Variants in CNTN6 observed in about 807,000 individuals in gnomAD.
CNTN6 encodes the protein contactin 6, also known as contactin-6.
Under a neutral mutation model 122.8 loss-of-function variants are expected in CNTN6, and 137 were observed. The ratio of observed to expected loss-of-function variants is 1.12; its 90% CI spans 0.97 to 1.29. The LOEUF (loss-of-function observed/expected upper bound fraction) is 1.29, where lower values mean the gene tolerates loss of function less well. Among genes scored for constraint, CNTN6 ranks in the 50% most tolerant of loss-of-function variants. The probability of loss-of-function intolerance (pLI) is 0.00; values close to 1 mark genes in which losing one functional copy is unlikely to be tolerated. For synonymous variants in CNTN6, 570 were observed against 426.0 expected, an observed-to-expected ratio of 1.34 and a Z score of -4.16; for missense variants, 1,634 against 1,223.4, an observed-to-expected ratio of 1.34 and a Z score of -5.01.
At chr3:1,395,245 TTA>T (rs1694841073) in intron 20 of CNTN6, among the ~76,000 whole-genome samples, 1 of 152,198 alleles carries the variant, frequency 6.6e-6, no homozygotes, top group African/African-American at 2.4e-5. Flanking sequence ...AACTTTTCTA[TTA>T]TTCTATTAAT....
rs751971834 is a variant in CNTN6 at position 1,160,363 on chromosome 3, TATATAC to T, written c.55+12302_55+12307del. 1.1e-3 allele frequency among the ~76,000 whole-genome samples: 128 copies of T among 120,408 alleles called. 1 individual carries two copies. Among genetic ancestry groups the T allele is most frequent in the Admixed American group, 2.7e-3 (33 of 12,108 alleles). The allele number at this position is 120,408 out of a possible 152,430, so 79.0% of individuals were successfully genotyped here. ...TTTACTGTATATATATATATATATA[TATATAC>T]ACACTACCTATATGGTCATTTAGTG... On this transcript the variant is annotated intron_variant, in intron 2 of 22. Coordinates refer to ENST00000446702, the MANE Select transcript of CNTN6 (RefSeq NM_001289080.2).
rs551686886 is a variant in CNTN6 at position 1,138,180 on chromosome 3, C to T, written c.-82-9747C>T. 1.1e-4 allele frequency among the ~76,000 whole-genome samples: 16 copies of T among 152,334 alleles called. No homozygotes were observed. The South Asian group carries it at 3.1e-3, about 30-fold the overall frequency. On this transcript the variant is annotated intron_variant, in intron 1 of 22. Transcript: ENST00000446702. ...TGATGCTCGGAAGAGAACACAATCC[C>T]TCTGTGTAGTTACACAAGTGCAGGT...
chr3:1,171,664 G>A (rs551501951), intron 2 of CNTN6, among the ~76,000 whole-genome samples: 1 of 152,274 alleles, frequency 6.6e-6, no homozygotes, highest in East Asian at 1.9e-4. Context: ...CTGGAGTACA[G>A]TTGTGTGAAC....
rs550094242 is a variant in CNTN6, at chr3:1,337,757, G to A, written c.1364+7822G>A. Reference sequence around the variant, plus strand: ...CTCAACTCCTGAGAGCCTTGTTAAGGTGAGCCTTTCCAAGGGAATACATGT... The same window carrying A: ...CTCAACTCCTGAGAGCCTTGTTAAGATGAGCCTTTCCAAGGGAATACATGT... On this transcript the variant is annotated intron_variant, in intron 11 of 22. Transcript: ENST00000446702. 6.8e-4 allele frequency among the ~76,000 whole-genome samples: 103 copies of A among 152,198 alleles called. 2 individuals carry two copies. Among genetic ancestry groups the A allele is most frequent in the South Asian group, 2.7e-3 (13 of 4,810 alleles).
chr3:1,132,133 TG>T (rs1435439584), intron 1 of CNTN6, among the ~76,000 whole-genome samples: 6 of 152,134 alleles, frequency 3.9e-5, no homozygotes, highest in African/African-American at 1.4e-4. Flanking sequence ...ACAAGCAGAT[TG>T]GGCCTGACAC....
intron 2 of CNTN6, among the ~76,000 whole-genome samples, chr3:1,168,205 G>A (rs971734842): frequency 6.6e-6 from 1 of 152,010 alleles, no homozygotes; most frequent in African/African-American, 2.4e-5. Flanking sequence ...ATCGCGCCCG[G>A]CCTGGAAATG....
At chr3:1,099,148 A>C (rs2090715117) in intron 1 of CNTN6, among the ~76,000 whole-genome samples, 1 of 151,952 alleles carries the variant, frequency 6.6e-6, no homozygotes, top group Non-Finnish European at 1.5e-5. Flanking sequence ...ATTTAGACTC[A>C]TTCTTATAAA....
chr3:1,259,999 T>C (rs968321715), intron 4 of CNTN6, among the ~76,000 whole-genome samples: 16 of 152,174 alleles, frequency 1.1e-4, no homozygotes, highest in African/African-American at 3.4e-4. Context: ...TCACAGGTTC[T>C]GAGGCATAAA....
rs375616222 is a variant in CNTN6, at chr3:1,221,566, A to C, written c.182+753A>C. 2.0e-5 allele frequency among the ~76,000 whole-genome samples: 3 copies of C among 152,184 alleles called. No homozygotes were observed. The South Asian group carries it at 6.2e-4, about 32-fold the overall frequency. ...TATTCTGGGCAAATAAGAAAAAAAA[A>C]CCTATATTTGTTTCTCACATATTAT... On this transcript the variant is annotated intron_variant, in intron 3 of 22. Coordinates refer to ENST00000446702, the MANE Select transcript of CNTN6 (RefSeq NM_001289080.2).
intron 4 of CNTN6, among the ~76,000 whole-genome samples, chr3:1,238,926 A>T (rs1219499528): frequency 6.6e-6 from 1 of 152,170 alleles, no homozygotes; most frequent in Non-Finnish European, 1.5e-5. Flanking sequence ...GAGAAGATCC[A>T]AATAAACTCT....
chr3:1,391,990 T>G (rs1188331559), intron 20 of CNTN6, among the ~76,000 whole-genome samples: 1 of 152,120 alleles, frequency 6.6e-6, no homozygotes, highest in Non-Finnish European at 1.5e-5. Context: ...CCAAGGTAAT[T>G]TATAGATTTA....
At chr3:1,245,294 A>T (rs1207706021) in intron 4 of CNTN6, among the ~76,000 whole-genome samples, 2 of 2,358 alleles carry the variant, frequency 8.5e-4, no homozygotes, top group African/African-American at 1.2e-3. Context: ...TATATATATA[A>T]CATATATATA....
intron 11 of CNTN6, among the ~76,000 whole-genome samples, chr3:1,345,041 T>C (rs936423450): frequency 6.6e-6 from 1 of 152,160 alleles, no homozygotes; most frequent in East Asian, 1.9e-4. Context: ...TTTTCATCAA[T>C]CCACTGATTA....
In CNTN6 at chr3:1,384,830, T is replaced by A. The variant is rs183623130; in HGVS notation, c.2518-781T>A. ...ACACACACATATATATATATATATA[T>A]AACCATAATCCTCTGATTCCAACAG... On this transcript the variant is annotated intron_variant, in intron 19 of 22. Transcript: ENST00000446702. Among the ~76,000 whole-genome samples, 81 of 142,028 alleles carry A rather than the reference T, an allele frequency of 5.7e-4. 1 individual carries two copies. The highest frequency in any genetic ancestry group is 1.3e-3 in the South Asian group (6 of 4,542). 93.2% of individuals were successfully genotyped at this position (142,028 alleles called of 152,430 possible).
At chr3:1,268,579 C>T (rs2094966813) in intron 4 of CNTN6, among the ~76,000 whole-genome samples, 1 of 128,882 alleles carries the variant, frequency 7.8e-6, no homozygotes, top group Non-Finnish European at 1.6e-5. Context: ...TGCACTCCAG[C>T]CTGGGCGACA....
Position 1,227,825 on chromosome 3 carries a change from C to A in CNTN6, c.190C>A (p.Gln64Lys), listed in dbSNP as rs2094303864. 1.2e-6 allele frequency: 2 copies of A among 1,611,782 alleles called. No individual in the cohort carries two copies. Among genetic ancestry groups the A allele is most frequent in the South Asian group, 1.1e-5 (1 of 90,368 alleles). Residue 64 changes from glutamine (Q) to lysine (K), a missense_variant, in exon 4 of 23, where the codon CAA becomes AAA. Transcript: ENST00000446702. The part of the protein sequence containing the change: ...GYPSPHYRWK[Q>K]NGTDIDFTMS... Reference sequence around the variant, plus strand: ...TTTTTTTTTTCCTTGAAGGTGGAAGCAAAATGGCACAGACATTGATTTTAC... The same window carrying A: ...TTTTTTTTTTCCTTGAAGGTGGAAGAAAAATGGCACAGACATTGATTTTAC...
chr3:1,195,432 G>A (rs1283467180), intron 2 of CNTN6, among the ~76,000 whole-genome samples: 1 of 152,106 alleles, frequency 6.6e-6, no homozygotes, highest in African/African-American at 2.4e-5. Flanking sequence ...GGAGTTGGTT[G>A]GCCAGTATGG....
At chr3:1,100,527 TC>T (rs1250638167) in intron 1 of CNTN6, among the ~76,000 whole-genome samples, 9 of 152,134 alleles carry the variant, frequency 5.9e-5, no homozygotes, top group Non-Finnish European at 1.0e-4. Context: ...CTCTGCAAGC[TC>T]CTAAATCTTT....
chr3:1,381,062 T>C (rs142137714), intron 17 of CNTN6, among the ~76,000 whole-genome samples: 39 of 152,330 alleles, frequency 2.6e-4, no homozygotes, highest in Non-Finnish European at 2.8e-4. Context: ...AATCTGCATA[T>C]GTTGGACTCA....
Sources: gnomAD v4.1 joint callset for allele counts (sites outside exome capture counted in the v4.1 genomes callset) on GRCh38, gnomAD v4.1.1 for gene constraint, MANE v1.5 for transcripts, NCBI Gene and HGNC (gene_info 2026-07-23, HGNC 2026-07-21) for gene names.